TENM2: variants seen among roughly 807,000 people sequenced by gnomAD.
TENM2 encodes the protein teneurin transmembrane protein 2.
TENM2 carries 52 observed loss-of-function variants against 245.2 expected under a neutral mutation model. The ratio of observed to expected loss-of-function variants is 0.21; its 90% CI spans 0.17 to 0.27. TENM2 has a LOEUF of 0.27. Ranked by LOEUF, TENM2 falls within the 10% of genes least tolerant of loss-of-function variation. The pLI is 1.00. For synonymous variants in TENM2, 1,363 were observed against 1,438.9 expected, an observed-to-expected ratio of 0.95 and a Z score of 1.19; for missense variants, 3,046 against 3,666.8, an observed-to-expected ratio of 0.83 and a Z score of 4.37.
intron 2 of TENM2, among the ~76,000 whole-genome samples, chr5:167,471,273 A>G (rs984195806): frequency 9.9e-5 from 15 of 152,168 alleles, no homozygotes; most frequent in African/African-American, 2.4e-4. Context: ...TACAAGTACA[A>G]TCATTTTGTT....
the TENM2 span, among the ~76,000 whole-genome samples, chr5:167,275,845 C>G: frequency 6.6e-6 from 1 of 152,046 alleles, no homozygotes; most frequent in Non-Finnish European, 1.5e-5. Flanking sequence ...CTATATGCTT[C>G]TTACTTTCCT....
chr5:167,610,552 G>A (rs1777409636), intron 2 of TENM2, among the ~76,000 whole-genome samples: 1 of 152,108 alleles, frequency 6.6e-6, no homozygotes, highest in Non-Finnish European at 1.5e-5. Context: ...GGAGCTGTGT[G>A]CCAGGAACCA....
intron 19 of TENM2, among the ~76,000 whole-genome samples, chr5:168,206,642 G>A (rs895857344): frequency 3.9e-5 from 6 of 152,138 alleles, no homozygotes; most frequent in Admixed American, 6.5e-5. Context: ...CAGACAAATC[G>A]CTTTTCCTAG....
intron 2 of TENM2, among the ~76,000 whole-genome samples, chr5:167,838,361 A>G (rs1769195064): frequency 6.6e-6 from 1 of 152,216 alleles, no homozygotes; most frequent in Non-Finnish European, 1.5e-5. Context: ...TATTTGTCCT[A>G]GCTTGAAAAC....
intron 2 of TENM2, among the ~76,000 whole-genome samples, chr5:167,685,241 AAGTTATCTCTTCCTTTT>A (rs1384347082): frequency 3.9e-5 from 6 of 152,252 alleles, no homozygotes; most frequent in East Asian, 1.9e-4. Context: ...TGAACATTAA[AAGTTATCTCTTCCTTTT>A]AGTTATCTCT....
At chr5:167,873,933 A>G (rs1773195996) in intron 2 of TENM2, among the ~76,000 whole-genome samples, 1 of 152,128 alleles carries the variant, frequency 6.6e-6, no homozygotes, top group African/African-American at 2.4e-5. Flanking sequence ...AGCCCCTAAC[A>G]TTTAAGCTTT....
intron 22 of TENM2, among the ~76,000 whole-genome samples, chr5:168,217,392 G>A (rs1763292953): frequency 6.6e-6 from 1 of 152,176 alleles, no homozygotes; most frequent in Admixed American, 6.5e-5. Flanking sequence ...TGTTTAGTTT[G>A]GGCTGTTAGA....
intron 2 of TENM2, among the ~76,000 whole-genome samples, chr5:167,540,170 A>G (rs1562039181): frequency 6.6e-6 from 1 of 152,170 alleles, no homozygotes; most frequent in Non-Finnish European, 1.5e-5. Context: ...TAAAAATGAC[A>G]CTGTGGAGAG....
the TENM2 span, among the ~76,000 whole-genome samples, chr5:167,266,280 G>A: frequency 6.6e-6 from 1 of 152,098 alleles, no homozygotes; most frequent in South Asian, 2.1e-4. Context: ...TGGGGTATAA[G>A]AAGAAGGGGG....
At chr5:167,462,190 C>CCCCT (rs1554159756) in intron 2 of TENM2, among the ~76,000 whole-genome samples, 2 of 127,098 alleles carry the variant, frequency 1.6e-5, no homozygotes, top group Non-Finnish European at 1.6e-5. Flanking sequence ...CACCCCCCCC[C>CCCCT]CCCATTGCAG....
intron 17 of TENM2, among the ~76,000 whole-genome samples, chr5:168,202,464 C>G (rs1250840159): frequency 6.6e-6 from 1 of 150,922 alleles, no homozygotes; most frequent in African/African-American, 2.4e-5. Context: ...AGCTCATTCC[C>G]AAATCCTTTT....
chr5:167,039,644 T>G, the TENM2 span, among the ~76,000 whole-genome samples: 1 of 151,850 alleles, frequency 6.6e-6, no homozygotes, highest in Admixed American at 6.6e-5. Context: ...ACATCAGACT[T>G]TGATTGGGTG....
intron 1 of TENM2, among the ~76,000 whole-genome samples, chr5:167,344,099 A>G (rs1017908443): frequency 6.6e-6 from 1 of 150,392 alleles, no homozygotes; most frequent in African/African-American, 2.4e-5. Flanking sequence ...TAGAAGTTTA[A>G]CTGTTCAAGA....
intron 3 of TENM2, among the ~76,000 whole-genome samples, chr5:167,913,975 A>C (rs1776737826): frequency 6.6e-6 from 1 of 152,244 alleles, no homozygotes; most frequent in African/African-American, 2.4e-5. Context: ...TCTGGTGAGC[A>C]ATCAATAAAT....
chr5:168,214,576 G>A (rs1454097964), intron 20 of TENM2, among the ~76,000 whole-genome samples: 3 of 152,172 alleles, frequency 2.0e-5, no homozygotes, highest in Non-Finnish European at 4.4e-5. Flanking sequence ...GAAAACTCCA[G>A]GTCACCCTGG....
chr5:167,801,112 ATATATATATATAT>A (rs1561795721), intron 2 of TENM2, among the ~76,000 whole-genome samples: 2,829 of 51,002 alleles, frequency 0.055, 154 homozygotes, highest in African/African-American at 0.058. Context: ...AAAAAAAAAT[ATATATATATATAT>A]ATATATATAT....
chr5:167,043,596 G>A, the TENM2 span, among the ~76,000 whole-genome samples: 1 of 152,220 alleles, frequency 6.6e-6, no homozygotes, highest in Non-Finnish European at 1.5e-5. Flanking sequence ...CAAGTGTTGA[G>A]AGACAGAGCT....
chr5:167,060,831 A>G, the TENM2 span, among the ~76,000 whole-genome samples: 2 of 152,118 alleles, frequency 1.3e-5, no homozygotes, highest in East Asian at 3.9e-4. Context: ...TACATTCAAC[A>G]TTCATTTTGG....
intron 4 of TENM2, among the ~76,000 whole-genome samples, chr5:167,960,433 G>A (rs942679642): frequency 6.6e-6 from 1 of 152,226 alleles, no homozygotes; most frequent in Non-Finnish European, 1.5e-5. Context: ...GGCTACAGCA[G>A]GTTTGCTGAG....
Sources: gnomAD v4.1 joint callset for allele counts (sites outside exome capture counted in the v4.1 genomes callset) on GRCh38, gnomAD v4.1.1 for gene constraint, MANE v1.5 for transcripts, NCBI Gene and HGNC (gene_info 2026-07-23, HGNC 2026-07-21) for gene names.